RPS6KA5: variants seen among roughly 807,000 people sequenced by gnomAD.
RPS6KA5 encodes ribosomal protein S6 kinase alpha-5.
A neutral mutation model predicts 85.5 loss-of-function variants in RPS6KA5; 27 were observed. The ratio of observed to expected loss-of-function variants is 0.32; its 90% confidence interval spans 0.23 to 0.44. The LOEUF is 0.44. Ranked by LOEUF, RPS6KA5 falls within the 20% of genes least tolerant of loss-of-function variation. The pLI, the probability that RPS6KA5 is intolerant of heterozygous loss-of-function variation, is 1.00. For synonymous variants in RPS6KA5, 334 were observed against 348.2 expected (o/e 0.96, Z 0.46); for missense variants, 811 against 980.9 (o/e 0.83, Z 2.31).
chr14:90,997,791 G>A (rs896982454), intron 2 of RPS6KA5, among the ~76,000 whole-genome samples: 2 of 151,930 alleles, frequency 1.3e-5, no homozygotes, highest in African/African-American at 4.8e-5. Flanking sequence ...CGGGCAGATC[G>A]CCTGAGGTCA....
intron 2 of RPS6KA5, among the ~76,000 whole-genome samples, chr14:90,989,495 A>C (rs2040210101): frequency 1.3e-5 from 2 of 152,192 alleles, no homozygotes; most frequent in Non-Finnish European, 2.9e-5. Flanking sequence ...TTATGATAAA[A>C]AAAGAAAATT....
intron 11 of RPS6KA5, among the ~76,000 whole-genome samples, chr14:90,899,718 T>C (rs1035660761): frequency 2.0e-5 from 3 of 152,206 alleles, no homozygotes; most frequent in African/African-American, 7.2e-5. Flanking sequence ...TAATCATCAG[T>C]TACCAAAACA....
At chr14:90,910,690 T>C (rs1411811565) in intron 7 of RPS6KA5, among the ~76,000 whole-genome samples, 1 of 149,102 alleles carries the variant, frequency 6.7e-6, no homozygotes, top group Admixed American at 6.7e-5. Flanking sequence ...TTATTATTTT[T>C]TTTTTTTTTT....
chr14:90,902,128 G>T (rs575189804), intron 9 of RPS6KA5, among the ~76,000 whole-genome samples: 1 of 151,844 alleles, frequency 6.6e-6, no homozygotes, highest in African/African-American at 2.4e-5. Flanking sequence ...GCTGCAGTGA[G>T]CTATGATCAT....
rs1335492782 is a variant in RPS6KA5, at chr14:90,865,735, G to C, written c.*6339C>G. On this transcript the variant is annotated 3_prime_UTR_variant, in exon 17 of 17. Coordinates refer to ENST00000614987, the MANE Select transcript of RPS6KA5 (RefSeq NM_004755.4). ...AAGCTGGGGAAGGAGTGGGAAAACA[G>C]AGGAGAGAGCTATCACATGGGCTTC... 6.6e-6 allele frequency: 1 copy of C among 152,234 alleles called. No homozygotes were observed. The highest frequency in any genetic ancestry group is 6.5e-5 in the Admixed American group (1 of 15,278). The allele number at this position is 152,234 out of a possible 1,614,324, so 9.4% of individuals were successfully genotyped here. A position where few individuals can be genotyped will look rare whatever the true frequency, so the allele number is the denominator to read the frequency against.
At chr14:90,932,717 G>A (rs2037049902) in intron 5 of RPS6KA5, among the ~76,000 whole-genome samples, 1 of 152,126 alleles carries the variant, frequency 6.6e-6, no homozygotes, top group Non-Finnish European at 1.5e-5. Flanking sequence ...CATGCTACTC[G>A]TTAAGCACTA....
chr14:90,992,806 G>A (rs2040365692), intron 2 of RPS6KA5, among the ~76,000 whole-genome samples: 1 of 152,050 alleles, frequency 6.6e-6, no homozygotes, highest in Non-Finnish European at 1.5e-5. Flanking sequence ...ATAGGACTAT[G>A]TAGGTTTCTC....
intron 3 of RPS6KA5, among the ~76,000 whole-genome samples, chr14:90,957,547 T>C (rs10147125): frequency 0.01 from 1,572 of 152,304 alleles, 10 homozygotes; most frequent in South Asian, 0.034. Context: ...GCTGTCTGCC[T>C]CTTGCTGGTA....
At chr14:90,928,767 ACT>A (rs1294686626) in intron 5 of RPS6KA5, among the ~76,000 whole-genome samples, 1 of 150,868 alleles carries the variant, frequency 6.6e-6, no homozygotes, top group African/African-American at 2.4e-5. Flanking sequence ...AAAAAAACAC[ACT>A]CTGGCAGATT....
chr14:90,988,280 T>C lies in RPS6KA5; in HGVS notation c.176-9756A>G, dbSNP rs550443628. Among the ~76,000 whole-genome samples the C allele has an allele frequency of 1.5e-4, 23 of 152,352 alleles. No individual in the cohort carries two copies. In the Middle Eastern group the frequency reaches 0.014, roughly 90 times the overall value. The stretch of plus-strand genomic sequence containing the variant: ...AATGACATTCACTTATGTATAAAGC[T>C]AAGCTGAAAGCTTGGTAATGTATTA... On this transcript the variant is annotated intron_variant, in intron 2 of 16. Coordinates refer to ENST00000614987, the MANE Select transcript of RPS6KA5 (RefSeq NM_004755.4).
chr14:90,855,094 T>G lies in RPS6KA5; in HGVS notation c.*16980A>C, dbSNP rs2032204649. Reference sequence around the variant, plus strand: ...CTCCATCAGCGAATAAAAAGATGTATAAGTTCACTCATATTGATAAAACTT... The same window carrying G: ...CTCCATCAGCGAATAAAAAGATGTAGAAGTTCACTCATATTGATAAAACTT... On this transcript the variant is annotated 3_prime_UTR_variant, in exon 17 of 17. Coordinates refer to ENST00000614987, the MANE Select transcript of RPS6KA5 (RefSeq NM_004755.4). 1 of 152,242 alleles carries G rather than the reference T, an allele frequency of 6.6e-6. No homozygotes were observed. Among genetic ancestry groups the G allele is most frequent in the Non-Finnish European group, 1.5e-5 (1 of 68,034 alleles). The allele number at this position is 152,242 out of a possible 1,614,324, so 9.4% of individuals were successfully genotyped here.
At chr14:90,945,819 A>G (rs2037842472) in intron 4 of RPS6KA5, among the ~76,000 whole-genome samples, 1 of 152,154 alleles carries the variant, frequency 6.6e-6, no homozygotes, top group Admixed American at 6.5e-5. Flanking sequence ...CCTAGGCAAT[A>G]TGGCAAAACC....
In RPS6KA5 at chr14:90,879,011, G is replaced by A. The variant is rs145388493; in HGVS notation, c.1837-3651C>T. On this transcript the variant is annotated intron_variant, in intron 14 of 16. Coordinates refer to ENST00000614987, the MANE Select transcript of RPS6KA5 (RefSeq NM_004755.4). Reference sequence around the variant, plus strand: ...AACAGGAGAGTCTCAGAGCAGACCTGAAGTATTCTGGTGCAAGGTGGGGCC... The same window carrying A: ...AACAGGAGAGTCTCAGAGCAGACCTAAAGTATTCTGGTGCAAGGTGGGGCC... 6.6e-5 allele frequency among the ~76,000 whole-genome samples: 10 copies of A among 152,330 alleles called. No homozygotes were observed. The East Asian group carries it at 1.9e-3, about 29-fold the overall frequency.
At chr14:90,963,955 T>C (rs2038935139) in intron 3 of RPS6KA5, among the ~76,000 whole-genome samples, 1 of 152,136 alleles carries the variant, frequency 6.6e-6, no homozygotes, top group Admixed American at 6.5e-5. Context: ...GGTCAGATTG[T>C]TTTGAGAGCC....
rs2032768605 is a variant in RPS6KA5 at position 90,865,557 on chromosome 14, T to C, written c.*6517A>G. The C allele has an allele frequency of 6.6e-6, 1 of 152,256 alleles. No individual in the cohort carries two copies. The highest frequency in any genetic ancestry group is 6.5e-5 in the Admixed American group (1 of 15,286). The allele number at this position is 152,256 out of a possible 1,614,324, so 9.4% of individuals were successfully genotyped here. On this transcript the variant is annotated 3_prime_UTR_variant, in exon 17 of 17. Transcript: ENST00000614987. ...GGGCGCATATATATGTAAACATTTA[T>C]TGAGCTGTATATTTCAGACCTGTGC... is the stretch of plus-strand genomic sequence containing the variant.
At chr14:90,995,720 A>G (rs2040488422) in intron 2 of RPS6KA5, among the ~76,000 whole-genome samples, 1 of 152,108 alleles carries the variant, frequency 6.6e-6, no homozygotes, top group Non-Finnish European at 1.5e-5. Context: ...TGATAGAAAG[A>G]CTACTCAACT....
At chr14:90,902,728 A>G in intron 9 of RPS6KA5, 80 bp downstream of exon 9, 1 of 1,335,298 alleles carries the variant, frequency 7.5e-7, no homozygotes, top group Non-Finnish European at 1.0e-6. Flanking sequence ...TGCCAACAAA[A>G]CTACTTCAAT....
intron 1 of RPS6KA5, among the ~76,000 whole-genome samples, chr14:91,043,676 T>G (rs887994893): frequency 7.2e-5 from 11 of 152,218 alleles, no homozygotes; most frequent in African/African-American, 2.7e-4. Flanking sequence ...CATCAGAATA[T>G]GTCAAAGGCA....
chr14:90,932,095 C>T (rs913773584), intron 5 of RPS6KA5, among the ~76,000 whole-genome samples: 10 of 152,060 alleles, frequency 6.6e-5, no homozygotes, highest in South Asian at 2.1e-4. Flanking sequence ...TCAGGTTGGC[C>T]GATTTTATTC....
Sources: gnomAD v4.1 joint callset for allele counts (sites outside exome capture counted in the v4.1 genomes callset) on GRCh38, gnomAD v4.1.1 for gene constraint, MANE v1.5 for transcripts, NCBI Gene and HGNC (gene_info 2026-07-23, HGNC 2026-07-21) for gene names.